Variants in LMAN1 observed in about 807,000 individuals in gnomAD.
LMAN1 encodes lectin, mannose binding 1, also known as protein ERGIC-53.
LMAN1 carries 32 observed loss-of-function variants against 67.8 expected under a neutral mutation model. The observed-to-expected ratio is 0.47, with a 90% CI of 0.36 to 0.63. LMAN1 has a LOEUF of 0.63. LMAN1 is among the 30% of genes least tolerant of loss of function. The pLI, the probability that LMAN1 is intolerant of heterozygous loss-of-function variation, is 0.00. For missense variants in LMAN1, 632 were observed against 628.2 expected, an observed-to-expected ratio of 1.01 and a Z score of -0.06; for synonymous variants, 235 against 219.3, an observed-to-expected ratio of 1.07 and a Z score of -0.63.
chr18:59,352,953 A>C (rs1432321904), intron 5 of LMAN1: 8 of 419,932 alleles, frequency 1.9e-5, no homozygotes, highest in Non-Finnish European at 3.1e-5. Flanking sequence ...AGATATATAT[A>C]TCTCTCACAT....
At chr18:59,339,647 T>C (rs1210682565) in intron 8 of LMAN1, among the ~76,000 whole-genome samples, 1 of 152,160 alleles carries the variant, frequency 6.6e-6, no homozygotes, top group African/African-American at 2.4e-5. Context: ...GCACCACTGT[T>C]GATAGCCTAG....
intron 1 of LMAN1, 118 bp from the exon 2 acceptor site, chr18:59,355,776 G>GA (rs1326867367): frequency 3.4e-6 from 4 of 1,161,856 alleles, no homozygotes; most frequent in Non-Finnish European, 4.9e-6. Context: ...TAATGATTTG[G>GA]AAAAAATTTC....
intron 10 of LMAN1, among the ~76,000 whole-genome samples, chr18:59,337,750 T>C (rs1023822919): frequency 6.6e-6 from 1 of 152,126 alleles, no homozygotes; most frequent in Non-Finnish European, 1.5e-5. Flanking sequence ...AAGAGAAAAA[T>C]TGAAGAAATA....
intron 5 of LMAN1, among the ~76,000 whole-genome samples, chr18:59,349,565 T>C (rs957838868): frequency 9.9e-5 from 15 of 152,184 alleles, no homozygotes; most frequent in Non-Finnish European, 7.4e-5. Context: ...GGGATCAGAC[T>C]TGTTCTCAGA....
chr18:59,335,011 C>T (rs1024488311), intron 10 of LMAN1, among the ~76,000 whole-genome samples: 1 of 152,142 alleles, frequency 6.6e-6, no homozygotes, highest in African/African-American at 2.4e-5. Context: ...GATAATACAA[C>T]TGGACAGCTA....
chr18:59,339,022 G>A (rs567685395), intron 8 of LMAN1, 69 bp from the exon 9 acceptor site: 47 of 1,395,012 alleles, frequency 3.4e-5, no homozygotes, highest in Middle Eastern at 3.5e-4. Context: ...TAACGTAAGT[G>A]ACCAAAGTGC....
chr18:59,334,707 T>C (rs1340533549), intron 10 of LMAN1, among the ~76,000 whole-genome samples: 2 of 152,196 alleles, frequency 1.3e-5, no homozygotes, highest in Non-Finnish European at 2.9e-5. Flanking sequence ...AGGCATCAAC[T>C]GCTACAGAAA....
chr18:59,355,066 G>A (rs1002954121), intron 3 of LMAN1, among the ~76,000 whole-genome samples: 5 of 152,170 alleles, frequency 3.3e-5, no homozygotes, highest in Non-Finnish European at 5.9e-5. Context: ...GGGAGCAGGG[G>A]TCACTGCAAA....
At position 59,355,298 on chromosome 18, in the gene LMAN1, T is replaced by G. The variant is rs374246337; in HGVS notation, c.477+15A>C. On this transcript the variant is annotated intron_variant, in intron 3 of 12. Coordinates refer to ENST00000251047, the MANE Select transcript of LMAN1 (RefSeq NM_005570.4). ...GATGTATTAAAGTGGATAACAGTCC[T>G]GACAATAAATATACCTTTCCATCAT... 7.0e-6 allele frequency: 11 copies of G among 1,576,532 alleles called. No individual in the cohort carries two copies. In the African/African-American group the frequency reaches 1.4e-4, roughly 19 times the overall value.
chr18:59,357,363 G>T (rs1478904649), intron 1 of LMAN1, among the ~76,000 whole-genome samples: 1 of 152,186 alleles, frequency 6.6e-6, no homozygotes, highest in Non-Finnish European at 1.5e-5. Context: ...GTGTATGTGA[G>T]TGTGAGAAAA....
chr18:59,355,455 G>C, intron 2 of LMAN1, 35 bp from the exon 3 acceptor site: 1 of 1,613,700 alleles, frequency 6.2e-7, no homozygotes, highest in Non-Finnish European at 8.5e-7. Context: ...TTAGAGGCTA[G>C]TGGTATATGC....
At chr18:59,354,926 A>G (rs923249113) in intron 3 of LMAN1, among the ~76,000 whole-genome samples, 2 of 152,222 alleles carry the variant, frequency 1.3e-5, no homozygotes, top group Non-Finnish European at 2.9e-5. Context: ...ATGACCAGAC[A>G]TGAATATGTG....
intron 1 of LMAN1, among the ~76,000 whole-genome samples, chr18:59,355,928 G>A (rs374177967): frequency 1.3e-5 from 2 of 152,138 alleles, no homozygotes; most frequent in East Asian, 3.8e-4. Flanking sequence ...CAAACTATCT[G>A]AGTCTCATAA....
intron 6 of LMAN1, among the ~76,000 whole-genome samples, chr18:59,348,861 T>C (rs1363713305): frequency 6.6e-6 from 1 of 152,216 alleles, no homozygotes; most frequent in Non-Finnish European, 1.5e-5. Flanking sequence ...TCCTTCACTA[T>C]AAAATAGCAC....
intron 4 of LMAN1, among the ~76,000 whole-genome samples, chr18:59,353,539 A>T (rs963797841): frequency 6.6e-6 from 1 of 152,168 alleles, no homozygotes; most frequent in African/African-American, 2.4e-5. Flanking sequence ...ACTGAAGCAG[A>T]ATCAAAAGGA....
At chr18:59,335,869 G>C (rs1470071337) in intron 10 of LMAN1, among the ~76,000 whole-genome samples, 1 of 152,176 alleles carries the variant, frequency 6.6e-6, no homozygotes. Flanking sequence ...CTTTCTCACA[G>C]GGATACGAGC....
At chr18:59,355,755 A>C in intron 1 of LMAN1, 97 bp from the exon 2 acceptor site, 1 of 1,339,116 alleles carries the variant, frequency 7.5e-7, no homozygotes, top group Non-Finnish European at 1.1e-6. Context: ...GAGACTTAGT[A>C]ACCTGTACAA....
chr18:59,335,017 A>G (rs1187732949), intron 10 of LMAN1, among the ~76,000 whole-genome samples: 4 of 152,192 alleles, frequency 2.6e-5, no homozygotes, highest in African/African-American at 9.7e-5. Flanking sequence ...ACAACTGGAC[A>G]GCTAGGACGT....
At position 59,353,307 on chromosome 18, in the gene LMAN1, G is replaced by T; in HGVS notation, c.540-6C>A. The T allele has an allele frequency of 6.2e-7, 1 of 1,603,976 alleles. No homozygotes were observed. The highest frequency in any genetic ancestry group is 1.7e-5 in the Admixed American group (1 of 60,004). ...AAGCTTGACTAGCCCCGTCACTATAGTGTAAGGGGGAGGAAAACAGACAAG... is the reference window on the plus strand; with the variant it reads ...AAGCTTGACTAGCCCCGTCACTATATTGTAAGGGGGAGGAAAACAGACAAG... On this transcript the variant is annotated splice_region_variant and splice_polypyrimidine_tract_variant and intron_variant, in intron 4 of 12. Transcript: ENST00000251047.
Sources: gnomAD v4.1 joint callset for allele counts (sites outside exome capture counted in the v4.1 genomes callset) on GRCh38, gnomAD v4.1.1 for gene constraint, MANE v1.5 for transcripts, NCBI Gene and HGNC (gene_info 2026-07-23, HGNC 2026-07-21) for gene names.